The following DENND1B variants were observed in gnomAD, a reference collection of about 807,000 sequenced individuals.
DENND1B encodes the protein DENN domain-containing protein 1B.
A neutral mutation model predicts 90.1 loss-of-function variants in DENND1B; 59 were observed. That is an observed-to-expected ratio of 0.65 (90% CI 0.53 to 0.81). DENND1B has a LOEUF of 0.81. Among genes scored for constraint, DENND1B ranks in the 40% least tolerant of loss-of-function variants. The pLI, the probability that DENND1B is intolerant of heterozygous loss-of-function variation, is 0.00. For missense variants in DENND1B, 862 were observed against 912.6 expected (o/e 0.94, Z 0.71); for synonymous variants, 337 against 324.6 (o/e 1.04, Z -0.41).
chr1:197,707,079 TA>T (rs922580894), intron 3 of DENND1B, among the ~76,000 whole-genome samples: 9 of 152,116 alleles, frequency 5.9e-5, no homozygotes, highest in Non-Finnish European at 1.3e-4. Flanking sequence ...TATTCAACTA[TA>T]AAAAAAGAAC....
At chr1:197,526,386 G>C (rs530869592) in intron 20 of DENND1B, among the ~76,000 whole-genome samples, 2 of 152,088 alleles carry the variant, frequency 1.3e-5, no homozygotes, top group South Asian at 4.2e-4. Context: ...TTTTGGAATA[G>C]AGAACTGTTG....
chr1:197,516,206 T>C (rs1352285500), intron 20 of DENND1B, among the ~76,000 whole-genome samples: 2 of 151,826 alleles, frequency 1.3e-5, no homozygotes, highest in African/African-American at 4.8e-5. Context: ...TCCTTGGGTG[T>C]TGACCTTTGT....
intron 15 of DENND1B, among the ~76,000 whole-genome samples, chr1:197,571,243 T>C (rs566954184): frequency 1.4e-4 from 21 of 151,580 alleles, no homozygotes; most frequent in Admixed American, 4.0e-4. Context: ...TCAGATCCAA[T>C]CATGTGCCAG....
intron 10 of DENND1B, among the ~76,000 whole-genome samples, chr1:197,641,474 C>CTGGA (rs1680262687): frequency 2.0e-5 from 3 of 152,098 alleles, no homozygotes; most frequent in Admixed American, 1.3e-4. Context: ...TCTGATATTA[C>CTGGA]TGCATCATTT....
intron 20 of DENND1B, among the ~76,000 whole-genome samples, chr1:197,524,212 T>C (rs1188275728): frequency 6.6e-6 from 1 of 152,126 alleles, no homozygotes; most frequent in East Asian, 1.9e-4. Flanking sequence ...TCCCAACGCA[T>C]AGTTGGCATT....
intron 14 of DENND1B, among the ~76,000 whole-genome samples, chr1:197,591,511 C>A (rs1277244466): frequency 6.6e-6 from 1 of 152,080 alleles, no homozygotes; most frequent in Non-Finnish European, 1.5e-5. Flanking sequence ...TATATTCAGT[C>A]CTGCTGTGTA....
At chr1:197,779,671 T>TTTTATTTAAAATAAAAAAAA (rs1657380940), upstream of DENND1B, among the ~76,000 whole-genome samples, 2 of 151,864 alleles carry the variant, frequency 1.3e-5, no homozygotes, top group South Asian at 4.1e-4. Context: ...ACCCATTTAG[T>TTTTATTTAAAATAAAAAAAA]TTTTAATTTA....
At chr1:197,536,125 G>GGAGAGAGGGAGA (rs1558211633) in intron 20 of DENND1B, among the ~76,000 whole-genome samples, 1 of 142,962 alleles carries the variant, frequency 7.0e-6, no homozygotes, top group East Asian at 2.1e-4. Flanking sequence ...AGGGAGAGAG[G>GGAGAGAGGGAGA]GAGAGAGAGA....
At chr1:197,734,432 A>G in intron 2 of DENND1B, 1 of 985,062 alleles carries the variant, frequency 1.0e-6, no homozygotes. Flanking sequence ...TGTAATTTAA[A>G]CCAATAGCAA....
intron 3 of DENND1B, among the ~76,000 whole-genome samples, chr1:197,700,777 G>A (rs1479304957): frequency 6.6e-6 from 1 of 152,092 alleles, no homozygotes; most frequent in Admixed American, 6.6e-5. Context: ...AGTAGGCAAA[G>A]GATATCAACA....
At chr1:197,685,418 A>T (rs1657131867) in intron 3 of DENND1B, among the ~76,000 whole-genome samples, 2 of 152,194 alleles carry the variant, frequency 1.3e-5, no homozygotes, top group Admixed American at 6.5e-5. Context: ...AAACTTTGTT[A>T]GACTTCTTAT....
chr1:197,780,246 A>G (rs1478540643), upstream of DENND1B, among the ~76,000 whole-genome samples: 3 of 152,056 alleles, frequency 2.0e-5, no homozygotes, highest in African/African-American at 7.2e-5. Flanking sequence ...GAAGACCCAT[A>G]AGACCATGAT....
At chr1:197,640,971 T>C (rs1175881057) in intron 10 of DENND1B, among the ~76,000 whole-genome samples, 1 of 152,168 alleles carries the variant, frequency 6.6e-6, no homozygotes, top group Non-Finnish European at 1.5e-5. Context: ...TACTACCTCA[T>C]TGGAGAGGCC....
intron 18 of DENND1B, among the ~76,000 whole-genome samples, chr1:197,541,882 A>T (rs1571803637): frequency 6.6e-6 from 1 of 152,326 alleles, no homozygotes; most frequent in African/African-American, 2.4e-5. Flanking sequence ...ACTATCCTCG[A>T]ATCCACTTGA....
intron 1 of DENND1B, 73 bp from the exon 2 acceptor site, chr1:197,773,005 C>T (rs1341001742): frequency 1.6e-6 from 2 of 1,228,238 alleles, no homozygotes; most frequent in African/African-American, 3.0e-5. Flanking sequence ...TTTCTTAATT[C>T]TAAAACTAAT....
intron 5 of DENND1B, among the ~76,000 whole-genome samples, chr1:197,666,633 T>G (rs1325318739): frequency 6.6e-6 from 1 of 152,142 alleles, no homozygotes; most frequent in Non-Finnish European, 1.5e-5. Context: ...CAAAACTGAT[T>G]GCAAACAAAA....
At chr1:197,603,825 A>C (rs1676422293) in intron 13 of DENND1B, among the ~76,000 whole-genome samples, 3 of 151,286 alleles carry the variant, frequency 2.0e-5, no homozygotes, top group African/African-American at 7.3e-5. Context: ...ATTAAAACTA[A>C]ATTCTATATA....
intron 20 of DENND1B, among the ~76,000 whole-genome samples, chr1:197,530,270 C>T (rs547353459): frequency 1.3e-5 from 2 of 152,206 alleles, no homozygotes; most frequent in Admixed American, 1.3e-4. Context: ...AAAATACATT[C>T]TTGGAATTTA....
At chr1:197,706,720 A>G (rs1659568664) in intron 3 of DENND1B, among the ~76,000 whole-genome samples, 1 of 152,148 alleles carries the variant, frequency 6.6e-6, no homozygotes. Context: ...CAAAACCACA[A>G]AGAGTTATCA....
Sources: allele counts gnomAD v4.1 joint callset (sites outside exome capture counted in the v4.1 genomes callset), GRCh38; gene constraint gnomAD v4.1.1; transcripts MANE v1.5; gene names NCBI Gene and HGNC (gene_info 2026-07-23, HGNC 2026-07-21).